Variants in EPS15L1 observed in about 807,000 individuals in gnomAD.
The protein encoded by EPS15L1 is epidermal growth factor receptor substrate 15-like 1.
EPS15L1 carries 43 observed loss-of-function variants against 117.1 expected under a neutral mutation model. That is an observed-to-expected ratio of 0.37 (90% CI 0.29 to 0.47). The LOEUF (loss-of-function observed/expected upper bound fraction) is 0.47. Among genes scored for constraint, EPS15L1 ranks in the 20% least tolerant of loss-of-function variants. EPS15L1 has a pLI of 0.99. For missense variants in EPS15L1, 981 were observed against 1,164.0 expected, an observed-to-expected ratio of 0.84 and a Z score of 2.29; for synonymous variants, 459 against 470.5, an observed-to-expected ratio of 0.98 and a Z score of 0.32.
chr19:16,409,265 A>G (rs1039186119), intron 13 of EPS15L1, among the ~76,000 whole-genome samples: 1 of 152,168 alleles, frequency 6.6e-6, no homozygotes, highest in Non-Finnish European at 1.5e-5. Flanking sequence ...AATAAAAACA[A>G]TGGTGCCATG....
In EPS15L1 at chr19:16,361,943, G is replaced by A. The variant is rs757841102; in HGVS notation, c.2422C>T (p.Pro808Ser). 6.2e-7 allele frequency: 1 copy of A among 1,613,766 alleles called. No homozygotes were observed. The highest frequency in any genetic ancestry group is 8.5e-7 in the Non-Finnish European group (1 of 1,179,886). The change falls in exon 23 of 24, where the codon CCC becomes TCC. Residue 808 changes from proline (P) to serine (S), a missense_variant. Around this residue, in one of 5 missense-constraint regions of EPS15L1, gnomAD observed 819 missense variants for 949.0 expected, o/e 0.86. Coordinates refer to ENST00000455140, the MANE Select transcript of EPS15L1 (RefSeq NM_001258374.3). ...GGCTGGAATGGATCGGGGGCCTCGG[G>A]AAAGTCTGCGGAACCAAGCTGGCTT... ...PVSQLGSADF[P>S]EAPDPFQPLG...
At chr19:16,424,242 T>C (rs1456837494) in intron 9 of EPS15L1, among the ~76,000 whole-genome samples, 3 of 152,144 alleles carry the variant, frequency 2.0e-5, no homozygotes, top group Non-Finnish European at 4.4e-5. Context: ...AGGGGGAGCA[T>C]GTGGACTGTA....
At chr19:16,464,252 G>A (rs1248315489) in intron 1 of EPS15L1, among the ~76,000 whole-genome samples, 1 of 152,216 alleles carries the variant, frequency 6.6e-6, no homozygotes, top group African/African-American at 2.4e-5. Context: ...GTAGTATCAA[G>A]AGCTGGGACT....
chr19:16,385,359 T>C (rs2144741244), intron 20 of EPS15L1, 148 bp from the exon 21 acceptor site: 2 of 675,980 alleles, frequency 3.0e-6, no homozygotes, highest in Non-Finnish European at 5.2e-6. Flanking sequence ...CATGAAGGCC[T>C]CTCAGCAAGG....
rs540140241 is a variant in EPS15L1 at position 16,440,722 on chromosome 19, A to C, written c.213+140T>G. ...AAAAGACCTTTATTTCAAAATGAAA[A>C]CTTCCCGTGTTAAGTTTGACAGCCG... On this transcript the variant is annotated intron_variant, in intron 4 of 23. Transcript: ENST00000455140. 21 of 649,332 alleles carry C rather than the reference A, an allele frequency of 3.2e-5. No homozygotes were observed. In the East Asian group the frequency reaches 5.7e-4, roughly 18 times the overall value. 40.2% of individuals were successfully genotyped at this position (649,332 alleles called of 1,614,324 possible). A position where few individuals can be genotyped will look rare whatever the true frequency, so the allele number is the denominator to read the frequency against.
chr19:16,404,820 C>T lies in EPS15L1; in HGVS notation c.1267-71G>A. 1.9e-6 allele frequency: 3 copies of T among 1,556,118 alleles called. No individual in the cohort carries two copies. The highest frequency in any genetic ancestry group is 2.6e-6 in the Non-Finnish European group (3 of 1,138,864). On this transcript the variant is annotated intron_variant, in intron 13 of 23. Coordinates refer to ENST00000455140, the MANE Select transcript of EPS15L1 (RefSeq NM_001258374.3). This position sits in a 1 kb window ranked among gnomAD's most constrained non-coding sequence, Gnocchi z 4.2. ...GCATGTCCAAGATAACGGGGGGCAG[C>T]CTGGGCCAGAAGTCCAGGGGAAGCC...
chr19:16,469,380 G>T (rs968028551), intron 1 of EPS15L1, among the ~76,000 whole-genome samples: 1 of 152,086 alleles, frequency 6.6e-6, no homozygotes, highest in Non-Finnish European at 1.5e-5. Context: ...GGGCACCGGG[G>T]TTAAGGACGG....
chr19:16,389,143 GAAA>G (rs200214391), intron 19 of EPS15L1, among the ~76,000 whole-genome samples: 1 of 143,802 alleles, frequency 7.0e-6, no homozygotes, highest in East Asian at 2.0e-4. Flanking sequence ...GCGGAGGTTG[GAAA>G]AAAAAAAAGA....
At chr19:16,414,957 T>A (rs1445201507) in intron 12 of EPS15L1, among the ~76,000 whole-genome samples, 2 of 152,122 alleles carry the variant, frequency 1.3e-5, no homozygotes, top group Non-Finnish European at 2.9e-5. Flanking sequence ...TCCTCTTGCC[T>A]TGGCCTCCCA....
chr19:16,421,234 C>T, intron 10 of EPS15L1, 85 bp downstream of exon 10: 4 of 1,410,304 alleles, frequency 2.8e-6, no homozygotes, highest in South Asian at 2.8e-5. Context: ...CTGGAGGGGG[C>T]CCCCTGACCA....
rs368674405 is a variant in EPS15L1, at chr19:16,425,284, C to T, written c.591G>A (p.Lys197=). 343 of 1,606,276 alleles carry T rather than the reference C, an allele frequency of 2.1e-4. 1 individual carries two copies. In the Middle Eastern group the frequency reaches 5.8e-3, roughly 27 times the overall value. The part of the protein sequence containing the change: ...AMHLVYRALE[K]EPVPSALPPS... ...GGGGCAGGGCGGAGGGCACGGGCTC[C>T]TTCTCCAGGGCTCGGTACACCAAGT... The change falls in exon 9 of 24, where the codon AAG becomes AAA. Residue 197 remains lysine, a synonymous_variant. Transcript: ENST00000455140.
intron 16 of EPS15L1, among the ~76,000 whole-genome samples, chr19:16,399,565 G>GA (rs1377789453): frequency 2.0e-5 from 3 of 151,990 alleles, no homozygotes; most frequent in Non-Finnish European, 4.4e-5. Flanking sequence ...AGTTCTCTCA[G>GA]AAAAAAGCCC....
At chr19:16,363,686 G>A (rs534404723) in intron 22 of EPS15L1, among the ~76,000 whole-genome samples, 1 of 152,292 alleles carries the variant, frequency 6.6e-6, no homozygotes, top group East Asian at 1.9e-4. Context: ...GCCAAACAAG[G>A]TGACATTCCT....
chr19:16,456,604 G>A (rs1459685467), intron 1 of EPS15L1, among the ~76,000 whole-genome samples: 1 of 152,066 alleles, frequency 6.6e-6, no homozygotes, highest in Non-Finnish European at 1.5e-5. Flanking sequence ...GTTGCAGTGA[G>A]CCAAGATGAT....
At chr19:16,418,898 C>CA (rs1280739245) in intron 10 of EPS15L1, among the ~76,000 whole-genome samples, 8 of 152,210 alleles carry the variant, frequency 5.3e-5, no homozygotes, top group African/African-American at 1.9e-4. Context: ...TTCCACCCCC[C>CA]AGAGCCGTGA....
At chr19:16,411,235 T>C (rs190889208) in intron 13 of EPS15L1, among the ~76,000 whole-genome samples, 1 of 152,326 alleles carries the variant, frequency 6.6e-6, no homozygotes, top group Non-Finnish European at 1.5e-5. Flanking sequence ...ATGTGCCCCA[T>C]TGTGGCTGGG....
At chr19:16,437,048 ATAGG>A (rs773707084) in intron 5 of EPS15L1, 49 bp from the exon 6 acceptor site, 61 of 1,544,228 alleles carry the variant, frequency 4.0e-5, no homozygotes, top group Non-Finnish European at 5.1e-5. Context: ...GAATTAAATC[ATAGG>A]TGGGTGGGTT....
chr19:16,390,728 C>T (rs539519841), intron 19 of EPS15L1, among the ~76,000 whole-genome samples: 1 of 152,182 alleles, frequency 6.6e-6, no homozygotes, highest in Non-Finnish European at 1.5e-5. Context: ...GGAAATGAAA[C>T]AACATACTTT....
intron 4 of EPS15L1, among the ~76,000 whole-genome samples, chr19:16,439,836 C>G (rs2093012543): frequency 6.6e-6 from 1 of 152,046 alleles, no homozygotes; most frequent in African/African-American, 2.4e-5. Flanking sequence ...ACAAAATGGC[C>G]ATCTACGACC....
Sources: gnomAD v4.1 joint callset for allele counts (sites outside exome capture counted in the v4.1 genomes callset) on GRCh38, gnomAD v4.1.1 for gene constraint, gnomAD v4.1.1 regional missense constraint, Gnocchi (gnomAD v3.1) non-coding constraint, MANE v1.5 for transcripts, NCBI Gene and HGNC (gene_info 2026-07-23, HGNC 2026-07-21) for gene names.